The following ZMYM2 variants were observed in gnomAD, a reference collection of about 807,000 sequenced individuals.
ZMYM2 encodes zinc finger MYM-type containing 2.
In ZMYM2, 56 loss-of-function variants were observed where a neutral mutation model predicts 162.8. The ratio of observed to expected loss-of-function variants is 0.34; its 90% confidence interval spans 0.28 to 0.43. ZMYM2 has a LOEUF of 0.43. ZMYM2 is among the 20% of genes least tolerant of loss of function. ZMYM2 has a pLI of 1.00. For synonymous variants in ZMYM2, 510 were observed against 541.6 expected (o/e 0.94, Z 0.81); for missense variants, 1,275 against 1,621.8 (o/e 0.79, Z 3.67).
chr13:19,875,831 G>A, the ZMYM2 span, among the ~76,000 whole-genome samples: 2 of 151,632 alleles, frequency 1.3e-5, no homozygotes, highest in African/African-American at 4.8e-5. Flanking sequence ...AAAGCGGGGA[G>A]GAAAAGAGGG....
At chr13:19,984,272 G>A (rs1037633557) in intron 2 of ZMYM2, among the ~76,000 whole-genome samples, 2 of 152,086 alleles carry the variant, frequency 1.3e-5, no homozygotes, top group Non-Finnish European at 2.9e-5. Flanking sequence ...ATCAACTGTT[G>A]TGTTAATTAA....
At chr13:19,902,018 G>T in the ZMYM2 span, among the ~76,000 whole-genome samples, 1 of 152,046 alleles carries the variant, frequency 6.6e-6, no homozygotes. Context: ...CAAATGCCTT[G>T]CCTCAAGCGA....
At chr13:20,063,325 C>T (rs2312966) in intron 18 of ZMYM2, among the ~76,000 whole-genome samples, 1 of 147,858 alleles carries the variant, frequency 6.8e-6, no homozygotes, top group African/African-American at 2.5e-5. Context: ...ATTGCTTGAG[C>T]CCAGGAGGTA....
At chr13:19,931,669 G>A in the ZMYM2 span, among the ~76,000 whole-genome samples, 4 of 152,208 alleles carry the variant, frequency 2.6e-5, no homozygotes, top group East Asian at 7.7e-4. Flanking sequence ...TGTTGCCCAG[G>A]CTGGAGTGCA....
At chr13:20,060,518 AAAATACAAAATTAGTTGGG>A (rs1956149503) in intron 16 of ZMYM2, among the ~76,000 whole-genome samples, 1 of 152,164 alleles carries the variant, frequency 6.6e-6, no homozygotes, top group Admixed American at 6.5e-5. Context: ...CTCTCTACTA[AAAATACAAAATTAGTTGGG>A]CATGGTGGCA....
At position 20,005,086 on chromosome 13, in the gene ZMYM2, A is replaced by G. The variant is rs559427842; in HGVS notation, c.1146A>G (p.Thr382=). The G allele has an allele frequency of 4.2e-5, 68 of 1,604,116 alleles. No individual in the cohort carries two copies. Among genetic ancestry groups the G allele is most frequent in the Non-Finnish European group, 5.8e-5 (68 of 1,177,054 alleles). The part of the protein sequence containing the change: ...LCVMCKKDIT[T]MKGTIVAQVD... ...ACTTATTTTTCAGAGATATAACTAC[A>G]ATGAAAGGAACCATTGTTGCTCAAG... The change falls in exon 5 of 25, where the codon ACA becomes ACG. Residue 382 remains threonine (T), a synonymous_variant. Transcript: ENST00000610343.
the ZMYM2 span, among the ~76,000 whole-genome samples, chr13:19,916,764 T>C: frequency 2.6e-5 from 4 of 151,938 alleles, no homozygotes; most frequent in Non-Finnish European, 4.4e-5. Context: ...CTAATGTAAA[T>C]GACGAGTTGA....
the ZMYM2 span, among the ~76,000 whole-genome samples, chr13:19,912,132 G>C: frequency 1.3e-5 from 2 of 152,138 alleles, no homozygotes; most frequent in Non-Finnish European, 1.5e-5. Flanking sequence ...TGCAGCTATT[G>C]AGTTGGCAAA....
chr13:20,009,841 A>C (rs1951031069), intron 6 of ZMYM2, among the ~76,000 whole-genome samples: 1 of 152,164 alleles, frequency 6.6e-6, no homozygotes, highest in Non-Finnish European at 1.5e-5. Flanking sequence ...CTTTGTTGCC[A>C]CCTTTGACTA....
At chr13:19,952,557 G>C in the ZMYM2 span, among the ~76,000 whole-genome samples, 1 of 152,164 alleles carries the variant, frequency 6.6e-6, no homozygotes, top group Non-Finnish European at 1.5e-5. Flanking sequence ...AGAGAAACAT[G>C]ATGGGACCCT....
rs191081431 is a variant in ZMYM2 at position 20,014,209 on chromosome 13, G to A, written c.1513-5338G>A. On this transcript the variant is annotated intron_variant, in intron 6 of 24. Coordinates refer to ENST00000610343, the MANE Select transcript of ZMYM2 (RefSeq NM_197968.4). ...CTGCCTCAGCTTCCTGAGTAGCTGG[G>A]ACTACAGGCGCCTGCCACCACGCCC... Among the ~76,000 whole-genome samples the A allele has an allele frequency of 2.6e-3, 403 of 152,196 alleles. 1 individual carries two copies. Among genetic ancestry groups the A allele is most frequent in the Middle Eastern group, 0.01 (3 of 294 alleles).
rs71070281 is a variant in ZMYM2, at chr13:19,975,861, AATGTATGT to A, written c.-11+15873_-11+15880del. On this transcript the variant is annotated intron_variant, in intron 2 of 24. Transcript: ENST00000610343. ...TTTAAAATTTTTCCTCCATTTTTAA[AATGTATGT>A]ATGTATGTATGTATGTATGTATGTA... is the stretch of plus-strand genomic sequence containing the variant. 2.6e-3 allele frequency among the ~76,000 whole-genome samples: 383 copies of A among 147,004 alleles called. 1 individual carries two copies. The highest frequency in any genetic ancestry group is 6.7e-3 in the Admixed American group (96 of 14,426).
chr13:19,936,722 A>AAAATAAAT, the ZMYM2 span, among the ~76,000 whole-genome samples: 7 of 152,102 alleles, frequency 4.6e-5, no homozygotes, highest in African/African-American at 1.4e-4. Flanking sequence ...CTATGTCTCA[A>AAAATAAAT]AAATAAATAA....
chr13:20,083,138 C>T lies in ZMYM2; in HGVS notation c.3820+106C>T, dbSNP rs770643882. ...AGTGCAGTGGTGCAGTCTCGGCTCACCGCAACCTCTACCTCCTGGGTTCAA... is the reference window on the plus strand; with the variant it reads ...AGTGCAGTGGTGCAGTCTCGGCTCATCGCAACCTCTACCTCCTGGGTTCAA... On this transcript the variant is annotated intron_variant, in intron 23 of 24. Transcript: ENST00000610343. 12 of 1,168,810 alleles carry T rather than the reference C, an allele frequency of 1.0e-5. No individual in the cohort carries two copies. The Admixed American group carries it at 3.1e-4, about 30-fold the overall frequency. 72.4% of individuals were successfully genotyped at this position (1,168,810 alleles called of 1,614,324 possible). A position where few individuals can be genotyped will look rare whatever the true frequency, so the allele number is the denominator to read the frequency against.
At position 20,005,219 on chromosome 13, in the gene ZMYM2, A is replaced by T; in HGVS notation, c.1279A>T (p.Ile427Phe). ...KGALNKSRCT[I>F]CGKLTEIRHE... ...AGCTCTAAATAAATCAAGATGTACA[A>T]TCTGTGGTAAACTAACTGAGGTTTG... The change falls in exon 5 of 25, where the codon ATC (isoleucine) becomes TTC (phenylalanine). Residue 427 changes from isoleucine (I) to phenylalanine (F), a missense_variant. Coordinates refer to ENST00000610343, the MANE Select transcript of ZMYM2 (RefSeq NM_197968.4). The T allele has an allele frequency of 6.4e-7, 1 of 1,572,682 alleles. No homozygotes were observed. Among genetic ancestry groups the T allele is most frequent in the South Asian group, 1.2e-5 (1 of 83,432 alleles).
the ZMYM2 span, among the ~76,000 whole-genome samples, chr13:19,904,740 C>A: frequency 6.6e-6 from 1 of 152,110 alleles, no homozygotes; most frequent in African/African-American, 2.4e-5. Context: ...TATATACACT[C>A]TTCCACATAA....
At chr13:20,044,435 C>A (rs925233051) in intron 12 of ZMYM2, among the ~76,000 whole-genome samples, 8 of 152,152 alleles carry the variant, frequency 5.3e-5, no homozygotes, top group Admixed American at 1.3e-4. Flanking sequence ...CTCCTTAAGC[C>A]AAGCTTCTCT....
chr13:19,909,432 T>A, the ZMYM2 span, among the ~76,000 whole-genome samples: 1 of 9,532 alleles, frequency 1.0e-4, no homozygotes, highest in African/African-American at 1.5e-4. Context: ...GCCTTTTTCG[T>A]TTTTTTTTTT....
At chr13:19,903,186 A>G in the ZMYM2 span, among the ~76,000 whole-genome samples, 1 of 152,068 alleles carries the variant, frequency 6.6e-6, no homozygotes, top group Admixed American at 6.6e-5. Flanking sequence ...TAAATAAATT[A>G]GCTGGGCATG....
Sources: allele counts gnomAD v4.1 joint callset (sites outside exome capture counted in the v4.1 genomes callset), GRCh38; gene constraint gnomAD v4.1.1; transcripts MANE v1.5; gene names NCBI Gene and HGNC (gene_info 2026-07-23, HGNC 2026-07-21).